TP63: variants seen among roughly 807,000 people sequenced by gnomAD.
TP63 encodes the protein tumor protein 63.
Under a neutral mutation model 82.8 loss-of-function variants are expected in TP63, and 17 were observed. That is an observed-to-expected ratio of 0.21 (90% CI 0.14 to 0.31). TP63 has a LOEUF of 0.31. Among genes scored for constraint, TP63 ranks in the 10% least tolerant of loss-of-function variants. The pLI is 1.00. For synonymous variants in TP63, 330 were observed against 321.7 expected (o/e 1.03, Z -0.28); for missense variants, 648 against 895.3 (o/e 0.72, Z 3.52).
At chr3:189,811,539 C>T (rs1421436916) in intron 4 of TP63, among the ~76,000 whole-genome samples, 5 of 152,168 alleles carry the variant, frequency 3.3e-5, no homozygotes, top group Non-Finnish European at 5.9e-5. Context: ...ACTGAGATCA[C>T]CTAAAAAGAT....
intron 10 of TP63, among the ~76,000 whole-genome samples, chr3:189,883,192 A>G (rs374185656): frequency 1.0e-5 from 1 of 97,258 alleles, no homozygotes; most frequent in South Asian, 3.8e-4. Context: ...AATTTTTTTT[A>G]AAAAAGGTTG....
At chr3:189,717,886 AAGGGAT>A (rs1259385005) in intron 1 of TP63, among the ~76,000 whole-genome samples, 1 of 152,236 alleles carries the variant, frequency 6.6e-6, no homozygotes. Context: ...TATTAAATGC[AAGGGAT>A]AGAATTAAAG....
intron 4 of TP63, among the ~76,000 whole-genome samples, chr3:189,858,126 C>CACAGTAGAATACTATTCAGT (rs148636152): frequency 4.0e-5 from 6 of 148,268 alleles, no homozygotes; most frequent in Admixed American, 1.3e-4. Context: ...TGTGTATAGG[C>CACAGTAGAATACTATTCAGT]CGGGCGCGGT....
At chr3:189,874,533 C>G (rs76844400) in intron 10 of TP63, among the ~76,000 whole-genome samples, 1 of 151,964 alleles carries the variant, frequency 6.6e-6, no homozygotes, top group African/African-American at 2.4e-5. Context: ...CTTTTTGGCC[C>G]GAAGGGATCT....
chr3:189,707,526 A>G (rs1166366563), intron 1 of TP63, among the ~76,000 whole-genome samples: 2 of 152,166 alleles, frequency 1.3e-5, no homozygotes, highest in Non-Finnish European at 2.9e-5. Flanking sequence ...AGATATTCCC[A>G]GACATGTTTG....
Position 189,887,856 on chromosome 3 carries a change from G to GTTT in TP63, c.1507+1321_1507+1323dup, listed in dbSNP as rs397874442. On this transcript the variant is annotated intron_variant, in intron 11 of 13. Transcript: ENST00000264731. Reference sequence around the variant, plus strand: ...CTAATGGCACACATTCATTGTTTTGGTTTTTTTTTTTTTTTTTTAGACAGA... The same window carrying GTTT: ...CTAATGGCACACATTCATTGTTTTGGTTTTTTTTTTTTTTTTTTTTTAGACAGA... 2.5e-3 allele frequency among the ~76,000 whole-genome samples: 312 copies of GTTT among 125,608 alleles called. 3 individuals are homozygous for GTTT. Among genetic ancestry groups the GTTT allele is most frequent in the African/African-American group, 8.3e-3 (286 of 34,266 alleles). The allele number at this position is 125,608 out of a possible 152,430, so 82.4% of individuals were successfully genotyped here. A position where few individuals can be genotyped will look rare whatever the true frequency, so the allele number is the denominator to read the frequency against.
intron 3 of TP63, among the ~76,000 whole-genome samples, chr3:189,762,640 ATAAG>A (rs1263974327): frequency 6.6e-6 from 1 of 152,234 alleles, no homozygotes; most frequent in Non-Finnish European, 1.5e-5. Flanking sequence ...ATGTATCTTT[ATAAG>A]TAAGATGTTA....
intron 3 of TP63, among the ~76,000 whole-genome samples, chr3:189,773,349 A>C (rs62279933): frequency 0.061 from 9,259 of 152,306 alleles, 363 homozygotes; most frequent in Admixed American, 0.099. Context: ...GTCCTTAGAC[A>C]GTAAATCTTT....
At chr3:189,758,211 G>A (rs904770691) in intron 3 of TP63, among the ~76,000 whole-genome samples, 2 of 152,156 alleles carry the variant, frequency 1.3e-5, no homozygotes, top group Non-Finnish European at 2.9e-5. Flanking sequence ...TTCACAACAG[G>A]GTTCGTGCTC....
At chr3:189,819,354 T>C (rs1728538219) in intron 4 of TP63, among the ~76,000 whole-genome samples, 1 of 152,136 alleles carries the variant, frequency 6.6e-6, no homozygotes, top group Non-Finnish European at 1.5e-5. Context: ...GCAGGTTTGT[T>C]ACATATGTAT....
intron 1 of TP63, among the ~76,000 whole-genome samples, chr3:189,690,337 T>C (rs972508907): frequency 4.6e-5 from 7 of 152,206 alleles, no homozygotes; most frequent in Admixed American, 1.3e-4. Context: ...TCCAGGATCC[T>C]GGCCCTGATA....
chr3:189,874,082 A>G lies in TP63; in HGVS notation c.1349+1087A>G, dbSNP rs542690339. Among the ~76,000 whole-genome samples the G allele has an allele frequency of 5.9e-5, 9 of 152,080 alleles. No homozygotes were observed. The South Asian group carries it at 8.3e-4, about 14-fold the overall frequency. ...GTAATAAAGAGGGCTTATGATTATT[A>G]TTATTATTATTGAGTCTCGCTCTGT... On this transcript the variant is annotated intron_variant, in intron 10 of 13. Transcript: ENST00000264731.
chr3:189,626,964 G>A (rs995394857), upstream of TP63, among the ~76,000 whole-genome samples: 2 of 151,974 alleles, frequency 1.3e-5, no homozygotes, highest in Admixed American at 6.6e-5. Context: ...GCTTTAGGTA[G>A]GCAGAATCAG....
In TP63 at chr3:189,647,034, A is replaced by C. The variant is rs181523322; in HGVS notation, c.62+15457A>C. ...TGGGTAACTAATGGTGACTCTTGGCAGCAGTGTTTTGTGGATCCTTTTCAT... is the reference window on the plus strand; with the variant it reads ...TGGGTAACTAATGGTGACTCTTGGCCGCAGTGTTTTGTGGATCCTTTTCAT... On this transcript the variant is annotated intron_variant, in intron 1 of 13. Coordinates refer to ENST00000264731, the MANE Select transcript of TP63 (RefSeq NM_003722.5). Among the ~76,000 whole-genome samples, 5 of 147,336 alleles carry C rather than the reference A, an allele frequency of 3.4e-5. No individual in the cohort carries two copies. The East Asian group carries it at 7.1e-4, about 21-fold the overall frequency.
intron 1 of TP63, among the ~76,000 whole-genome samples, chr3:189,695,301 A>G (rs568885724): frequency 6.8e-6 from 1 of 147,904 alleles, no homozygotes; most frequent in Non-Finnish European, 1.5e-5. Context: ...TCTTTCAGTT[A>G]GTTCCTGTGT....
At chr3:189,797,236 C>A (rs1325346901) in intron 3 of TP63, among the ~76,000 whole-genome samples, 1 of 151,984 alleles carries the variant, frequency 6.6e-6, no homozygotes, top group Non-Finnish European at 1.5e-5. Context: ...TTATGAAACA[C>A]TCTTGTCAGC....
At chr3:189,738,885 C>A in intron 3 of TP63, 111 bp downstream of exon 3, 1 of 1,485,318 alleles carries the variant, frequency 6.7e-7, no homozygotes, top group Non-Finnish European at 9.2e-7. Context: ...ATGGCCAAGG[C>A]CTTTGGGAAG....
chr3:189,718,606 A>G (rs368782842), intron 1 of TP63, among the ~76,000 whole-genome samples: 1 of 151,500 alleles, frequency 6.6e-6, no homozygotes, highest in African/African-American at 2.4e-5. Flanking sequence ...GAGCCAAACC[A>G]TATCACCTGA....
chr3:189,796,816 T>A (rs984748576), intron 3 of TP63, among the ~76,000 whole-genome samples: 1 of 152,072 alleles, frequency 6.6e-6, no homozygotes, highest in Non-Finnish European at 1.5e-5. Flanking sequence ...GCAAAAAAAA[T>A]TATAAATTTC....
Sources: gnomAD v4.1 joint callset for allele counts (sites outside exome capture counted in the v4.1 genomes callset) on GRCh38, gnomAD v4.1.1 for gene constraint, MANE v1.5 for transcripts, NCBI Gene and HGNC (gene_info 2026-07-23, HGNC 2026-07-21) for gene names.